MALRD1: variants seen among roughly 807,000 people sequenced by gnomAD.
MALRD1 encodes the protein MAM and LDL receptor class A domain containing 1.
In MALRD1, 247 loss-of-function variants were observed where a neutral mutation model predicts 242.1. The observed-to-expected ratio is 1.02, with a 90% CI of 0.92 to 1.13. The LOEUF (loss-of-function observed/expected upper bound fraction) is 1.13, where lower values mean the gene tolerates loss of function less well. Ranked by LOEUF, MALRD1 falls within the 50% of genes most tolerant of loss-of-function variation. MALRD1 has a pLI of 0.00. For synonymous variants in MALRD1, 995 were observed against 866.6 expected, an observed-to-expected ratio of 1.15 and a Z score of -2.60; for missense variants, 2,989 against 2,533.1, an observed-to-expected ratio of 1.18 and a Z score of -3.86.
At chr10:19,162,605 C>T (rs1834481506) in intron 12 of MALRD1, among the ~76,000 whole-genome samples, 1 of 152,006 alleles carries the variant, frequency 6.6e-6, no homozygotes, top group South Asian at 2.1e-4. Context: ...AAATCAAAAC[C>T]ACAATGAGAT....
At chr10:19,272,528 T>C (rs1250424227) in intron 19 of MALRD1, among the ~76,000 whole-genome samples, 3 of 152,210 alleles carry the variant, frequency 2.0e-5, no homozygotes, top group Non-Finnish European at 4.4e-5. Context: ...TATTTATTTT[T>C]ATTATATTTT....
At chr10:19,287,876 A>G (rs1841207077) in intron 21 of MALRD1, among the ~76,000 whole-genome samples, 1 of 152,124 alleles carries the variant, frequency 6.6e-6, no homozygotes, top group Non-Finnish European at 1.5e-5. Context: ...TATAGGGAGC[A>G]GAATCTAAGA....
intron 26 of MALRD1, among the ~76,000 whole-genome samples, chr10:19,359,974 T>G (rs1016106369): frequency 6.6e-6 from 1 of 152,114 alleles, no homozygotes; most frequent in African/African-American, 2.4e-5. Flanking sequence ...TTCACTGGAT[T>G]TCATCTGCAT....
intron 33 of MALRD1, among the ~76,000 whole-genome samples, chr10:19,583,410 T>C (rs1837229157): frequency 6.6e-6 from 1 of 151,048 alleles, no homozygotes; most frequent in Admixed American, 6.6e-5. Context: ...CAATACCTAA[T>C]TTATTGAGAG....
intron 36 of MALRD1, among the ~76,000 whole-genome samples, chr10:19,644,769 A>G (rs2131687444): frequency 6.6e-6 from 1 of 152,310 alleles, no homozygotes; most frequent in Middle Eastern, 3.4e-3. Context: ...GAATTTGAGG[A>G]TTAGACATAC....
intron 29 of MALRD1, among the ~76,000 whole-genome samples, chr10:19,463,912 G>A (rs1168856806): frequency 6.6e-6 from 1 of 152,038 alleles, no homozygotes; most frequent in Non-Finnish European, 1.5e-5. Context: ...GGCCATTCTT[G>A]CAGTAGTAAG....
chr10:19,696,666 G>T (rs933204982), intron 38 of MALRD1, among the ~76,000 whole-genome samples: 2 of 152,020 alleles, frequency 1.3e-5, no homozygotes, highest in African/African-American at 4.8e-5. Context: ...CAGCACTTTG[G>T]GAGGCCAAGA....
At chr10:19,460,660 A>G (rs1835894264) in intron 29 of MALRD1, among the ~76,000 whole-genome samples, 1 of 152,136 alleles carries the variant, frequency 6.6e-6, no homozygotes, top group Non-Finnish European at 1.5e-5. Context: ...AAATAGAGGA[A>G]CTTTTGAGTA....
chr10:19,448,541 G>T (rs761330243), intron 28 of MALRD1, among the ~76,000 whole-genome samples: 4 of 152,004 alleles, frequency 2.6e-5, no homozygotes, highest in Non-Finnish European at 5.9e-5. Flanking sequence ...TACAATCTCA[G>T]CCTTGTCCTG....
chr10:19,264,597 G>T (rs1839898436), intron 19 of MALRD1, among the ~76,000 whole-genome samples: 1 of 151,874 alleles, frequency 6.6e-6, no homozygotes, highest in Admixed American at 6.6e-5. Context: ...GGGAGTACAG[G>T]CGCCCACCAC....
intron 28 of MALRD1, among the ~76,000 whole-genome samples, chr10:19,416,645 A>C (rs1471739801): frequency 6.6e-6 from 1 of 152,134 alleles, no homozygotes; most frequent in Non-Finnish European, 1.5e-5. Context: ...TCTATTTACT[A>C]TCCAGCTATG....
rs535610824 is a variant in MALRD1 at position 19,442,317 on chromosome 10, C to G, written c.4846-7990C>G. Among the ~76,000 whole-genome samples the G allele has an allele frequency of 5.3e-5, 8 of 152,182 alleles. No individual in the cohort carries two copies. In the South Asian group the frequency reaches 1.7e-3, roughly 32 times the overall value. The stretch of plus-strand genomic sequence containing the variant: ...GACTTCCTTTTTTCCTAATTGAATA[C>G]CCTTTATTTCTTTCTCCTGTCTGAT... On this transcript the variant is annotated intron_variant, in intron 28 of 39. Transcript: ENST00000454679.
chr10:19,557,955 A>G lies in MALRD1; in HGVS notation c.5479-9547A>G, dbSNP rs1326474115. 7.9e-5 allele frequency among the ~76,000 whole-genome samples: 12 copies of G among 152,226 alleles called. No homozygotes were observed. The South Asian group carries it at 1.2e-3, about 16-fold the overall frequency. On this transcript the variant is annotated intron_variant, in intron 32 of 39. Coordinates refer to ENST00000454679, the MANE Select transcript of MALRD1 (RefSeq NM_001142308.3). ...TTTCATCAGTTTTGTAGTGTTCTTC[A>G]TAGATATCATGTACTTTTTTGTTAG...
rs187826254 is a variant in MALRD1, at chr10:19,277,512, G to C, written c.3080-2535G>C. ...AAGAAGAATCTGAGTATGCATGCCT[G>C]GTCCCTCACCTCCTCTTTTCTTTTT... On this transcript the variant is annotated intron_variant, in intron 19 of 39. Coordinates refer to ENST00000454679, the MANE Select transcript of MALRD1 (RefSeq NM_001142308.3). Among the ~76,000 whole-genome samples, 63 of 152,120 alleles carry C rather than the reference G, an allele frequency of 4.1e-4. 1 individual carries two copies. In the South Asian group the frequency reaches 0.011, roughly 27 times the overall value.
chr10:19,704,561 G>A (rs1171439720), intron 38 of MALRD1, among the ~76,000 whole-genome samples: 1 of 152,170 alleles, frequency 6.6e-6, no homozygotes, highest in Non-Finnish European at 1.5e-5. Flanking sequence ...GGACACAAAT[G>A]TTCAGTTCAT....
At chr10:19,109,241 G>T (rs1836587350) in intron 5 of MALRD1, among the ~76,000 whole-genome samples, 1 of 152,164 alleles carries the variant, frequency 6.6e-6, no homozygotes, top group Admixed American at 6.5e-5. Flanking sequence ...TGCCAAGTGT[G>T]CATGAGAGCT....
At chr10:19,318,637 C>G (rs763977578) in intron 21 of MALRD1, among the ~76,000 whole-genome samples, 5 of 151,730 alleles carry the variant, frequency 3.3e-5, no homozygotes, top group African/African-American at 1.2e-4. Context: ...CGTAATTTCT[C>G]CATGGTCTCC....
chr10:19,326,309 T>C (rs1644563953), intron 22 of MALRD1, among the ~76,000 whole-genome samples: 1 of 152,140 alleles, frequency 6.6e-6, no homozygotes, highest in African/African-American at 2.4e-5. Flanking sequence ...CTTTCATTTT[T>C]TCAGTATAAA....
chr10:19,523,654 T>A (rs1833972234), intron 31 of MALRD1, among the ~76,000 whole-genome samples: 1 of 152,202 alleles, frequency 6.6e-6, no homozygotes, highest in Admixed American at 6.5e-5. Context: ...CTCTTGTCTC[T>A]AGCTGTAACT....
Sources: allele counts gnomAD v4.1 joint callset (sites outside exome capture counted in the v4.1 genomes callset), GRCh38; gene constraint gnomAD v4.1.1; transcripts MANE v1.5; gene names NCBI Gene and HGNC (gene_info 2026-07-23, HGNC 2026-07-21).